KRT82: variants seen among roughly 807,000 people sequenced by gnomAD.
The protein encoded by KRT82 is keratin 82, also known as keratin, type II cuticular Hb2.
In KRT82, 44 loss-of-function variants were observed where a neutral mutation model predicts 48.0. That is an observed-to-expected ratio of 0.92 (90% CI 0.72 to 1.18). The LOEUF is 1.18. KRT82 is among the 50% of genes most tolerant of loss of function. The probability of loss-of-function intolerance (pLI) is 0.00; values close to 1 mark genes in which losing one functional copy is unlikely to be tolerated. For synonymous variants in KRT82, 297 were observed against 278.3 expected (o/e 1.07, Z -0.67); for missense variants, 701 against 671.4 (o/e 1.04, Z -0.49).
chr12:52,404,008 T>C (rs1233044172), intron 1 of KRT82, 99 bp from the exon 2 acceptor site: 22 of 1,148,500 alleles, frequency 1.9e-5, no homozygotes, highest in Admixed American at 1.1e-4. Context: ...TCCCAACACA[T>C]GGCTACCAGT....
intron 5 of KRT82, among the ~76,000 whole-genome samples, chr12:52,398,648 A>T (rs1211871911): frequency 1.3e-5 from 2 of 152,170 alleles, no homozygotes; most frequent in Non-Finnish European, 2.9e-5. Flanking sequence ...AGGAAGGGCC[A>T]GCCAGAGTGA....
At position 52,397,068 on chromosome 12, in the gene KRT82, T is replaced by C. The variant is rs1308432046; in HGVS notation, c.943-60A>G. The C allele has an allele frequency of 6.3e-6, 10 of 1,586,966 alleles. No individual in the cohort carries two copies. In the Admixed American group the frequency reaches 1.7e-4, roughly 28 times the overall value. On this transcript the variant is annotated intron_variant, in intron 5 of 8. Transcript: ENST00000257974. ...ACAAGATGGCATCTCCTAGCCTCTT[T>C]TCTCACTGTTCCCAGTCTTTTCTCC... is the stretch of plus-strand genomic sequence containing the variant.
intron 2 of KRT82, 36 bp from the exon 3 acceptor site, chr12:52,401,385 G>A (rs770455033): frequency 6.2e-7 from 1 of 1,605,974 alleles, no homozygotes; most frequent in Non-Finnish European, 8.5e-7. Flanking sequence ...CTTTAGTCGG[G>A]CTTGTGGATT....
Position 52,396,221 on chromosome 12 carries a change from A to C in KRT82, c.1080T>G (p.Leu360=). ...GCTCTGCCTCAGCTATGGCACCCTC[A>C]AGTTTGCAGCGCTGTGGGAGGGGCG... ...TENVKAQRCK[L]EGAIAEAEQQ... is the part of the protein sequence containing the mutation. The change falls in exon 7 of 9, where the codon CTT becomes CTG. Residue 360 remains leucine, a synonymous_variant. Transcript: ENST00000257974. 1 of 1,612,788 alleles carries C rather than the reference A, an allele frequency of 6.2e-7. No individual in the cohort carries two copies. The highest frequency in any genetic ancestry group is 8.5e-7 in the Non-Finnish European group (1 of 1,179,896).
rs561644148 is a variant in KRT82 at position 52,403,700 on chromosome 12, C to G, written c.620+1G>C. Reference sequence around the variant, plus strand: ...GTGGGGTAAAAGCAGCACTGACTCACTTTTTCTTGTAGCCCTCCAGTGCAG... The same window carrying G: ...GTGGGGTAAAAGCAGCACTGACTCAGTTTTTCTTGTAGCCCTCCAGTGCAG... On this transcript the variant is annotated splice_donor_variant, in intron 2 of 8. Transcript: ENST00000257974. LOFTEE classifies it high-confidence loss of function. 1 of 1,594,406 alleles carries G rather than the reference C, an allele frequency of 6.3e-7. No individual in the cohort carries two copies. The highest frequency in any genetic ancestry group is 8.6e-7 in the Non-Finnish European group (1 of 1,163,596).
intron 7 of KRT82, 76 bp downstream of exon 7, chr12:52,395,936 T>C (rs1358736592): frequency 6.3e-7 from 1 of 1,587,404 alleles, no homozygotes; most frequent in Admixed American, 1.7e-5. Flanking sequence ...TGAGAGATAC[T>C]AGCAGCCGCC....
rs768286129 is a variant in KRT82, at chr12:52,405,932, CCCT to C, written c.343_345del (p.Arg115del). On this transcript the variant is annotated inframe_deletion, in exon 1 of 9. Transcript: ENST00000257974. Reference sequence around the variant, plus strand: ...ATCTGCTCCTTCTCATCCCTCTTTACCCTCTGCACAGTCGGGTCTATCTCCAGT... The same window carrying C: ...ATCTGCTCCTTCTCATCCCTCTTTACCTGCACAGTCGGGTCTATCTCCAGT... The C allele has an allele frequency of 2.5e-6, 4 of 1,614,122 alleles. No homozygotes were observed. In the African/African-American group the frequency reaches 5.3e-5, roughly 22 times the overall value.
At chr12:52,397,112 G>A in intron 5 of KRT82, 104 bp from the exon 6 acceptor site, 3 of 1,435,176 alleles carry the variant, frequency 2.1e-6, no homozygotes, top group Non-Finnish European at 2.8e-6. Context: ...CCTAGTTCAG[G>A]TGTTCTCTGG....
chr12:52,395,013 G>C lies in KRT82; in HGVS notation c.1504C>G (p.Leu502Val), dbSNP rs764694884. 1 of 1,613,746 alleles carries C rather than the reference G, an allele frequency of 6.2e-7. No homozygotes were observed. Among genetic ancestry groups the C allele is most frequent in the Admixed American group, 1.7e-5 (1 of 60,016 alleles). Residue 502 changes from leucine to valine, a missense_variant, in exon 9 of 9, where the codon CTA becomes GTA. Leu to Val is a conservative substitution (Grantham distance 32). Transcript: ENST00000257974. The stretch of plus-strand genomic sequence containing the variant: ...CTGGGGGAGCTGCCCCCAGCTCCTA[G>C]CGTCATGCTGGATTTCCGCCCGCTC... Reference protein sequence around the residue: ...CGSGRKSSMTLGAGGSSPSHK... With the variant: ...CGSGRKSSMTVGAGGSSPSHK...
Position 52,394,797 on chromosome 12 carries a change from T to A in KRT82, c.*178A>T. ...ACACAGGTGAGTGGAAGGTGACTCA[T>A]GAGGCAAAGGAGGGGTCCTAGGGGC... On this transcript the variant is annotated 3_prime_UTR_variant, in exon 9 of 9. Transcript: ENST00000257974. The A allele has an allele frequency of 1.6e-6, 1 of 618,410 alleles. No homozygotes were observed. Among genetic ancestry groups the A allele is most frequent in the Non-Finnish European group, 2.9e-6 (1 of 347,076 alleles). 38.3% of individuals were successfully genotyped at this position (618,410 alleles called of 1,614,324 possible).
Position 52,396,342 on chromosome 12 carries a change from G to A in KRT82, c.1069-110C>T, listed in dbSNP as rs1732267. 4.4e-3 allele frequency: 4,540 copies of A among 1,024,970 alleles called. 122 individuals carry two copies. The African/African-American group carries it at 0.064, about 14-fold the overall frequency. 63.5% of individuals were successfully genotyped at this position (1,024,970 alleles called of 1,614,324 possible). ...GGCTACGTGCCAGGCTCACATTTGC[G>A]AGCTTCATCCTAGGATTGCGACATC... On this transcript the variant is annotated intron_variant, in intron 6 of 8. Transcript: ENST00000257974.
At position 52,406,158 on chromosome 12, in the gene KRT82, G is replaced by C. The variant is rs375992302; in HGVS notation, c.120C>G (p.Pro40=). 1.9e-4 allele frequency: 303 copies of C among 1,613,056 alleles called. No individual in the cohort carries two copies. The highest frequency in any genetic ancestry group is 1.2e-4 in the Non-Finnish European group (142 of 1,179,828). The change falls in exon 1 of 9, where the codon CCC becomes CCG. Residue 40 remains proline (P), a synonymous_variant. Transcript: ENST00000257974. ...HYAVSKGPCR[P]GGGRGLRALG... ...GAGCTCGGAGGCCCCTACCACCCCC[G>C]GGCCGGCATGGCCCCTTGCTCACTG...
rs752427153 is a variant in KRT82, at chr12:52,396,248, A to C, written c.1069-16T>G. 1.2e-6 allele frequency: 2 copies of C among 1,603,948 alleles called. No homozygotes were observed. Among genetic ancestry groups the C allele is most frequent in the East Asian group, 4.5e-5 (2 of 44,752 alleles). ...GTTTGCAGCGCTGTGGGAGGGGCGC[A>C]GAAAAGCATCACTGGGGGCCCTGGA... On this transcript the variant is annotated splice_polypyrimidine_tract_variant and intron_variant, in intron 6 of 8. Coordinates refer to ENST00000257974, the MANE Select transcript of KRT82 (RefSeq NM_033033.4).
At chr12:52,395,738 G>C (rs747565909) in intron 8 of KRT82, 21 bp downstream of exon 8, 2 of 1,555,730 alleles carry the variant, frequency 1.3e-6, no homozygotes, top group Non-Finnish European at 1.7e-6. Flanking sequence ...AGAGCCAGTG[G>C]GGCATGGCTC....
chr12:52,396,808 C>A (rs1386591972), intron 6 of KRT82, 75 bp downstream of exon 6: 29 of 1,566,940 alleles, frequency 1.9e-5, no homozygotes, highest in Non-Finnish European at 2.4e-5. Context: ...AAGGATTGAA[C>A]CCGCCCTGCA....
At position 52,403,757 on chromosome 12, in the gene KRT82, C is replaced by T. The variant is rs776049996; in HGVS notation, c.564G>A (p.Val188=). The T allele has an allele frequency of 5.6e-6, 9 of 1,613,362 alleles. No homozygotes were observed. The South Asian group carries it at 7.7e-5, about 14-fold the overall frequency. The change falls in exon 2 of 9, where the codon GTG becomes GTA. Residue 188 remains valine (V), a synonymous_variant. Transcript: ENST00000257974. ...GGCTGCAGAGCTCTGACTCTAGCCT[C>T]ACGCGGTCCCCGGACACACAGTCCA... ...RQLDCVSGDR[V]RLESELCSLQ... is the part of the protein sequence containing the mutation.
intron 4 of KRT82, among the ~76,000 whole-genome samples, 186 bp downstream of exon 4, chr12:52,400,341 A>C (rs1233728970): frequency 1.3e-5 from 2 of 152,180 alleles, no homozygotes; most frequent in African/African-American, 4.8e-5. Context: ...ACTTTCCCAG[A>C]GGGGCCTGTG....
Position 52,400,080 on chromosome 12 carries a change from G to A in KRT82, c.847C>T (p.Leu283=). ...VIVKMDNSRE[L]DVDGIIAEIK... ...TCAGCGATGATGCCGTCCACGTCCAGCTCCCGGCTGTTGTCCATCTTCACA... is the reference window on the plus strand; with the variant it reads ...TCAGCGATGATGCCGTCCACGTCCAACTCCCGGCTGTTGTCCATCTTCACA... Residue 283 remains leucine, a synonymous_variant, in exon 5 of 9, where the codon CTG becomes TTG. Transcript: ENST00000257974. The A allele has an allele frequency of 1.2e-6, 2 of 1,614,178 alleles. No individual in the cohort carries two copies. The highest frequency in any genetic ancestry group is 1.7e-6 in the Non-Finnish European group (2 of 1,179,996).
chr12:52,394,985 T>C lies in KRT82; in HGVS notation c.1532A>G (p.His511Arg), dbSNP rs746131425. ...ATGTCTCGGATCATGCTAATGCTTG[T>C]GGCTGGGGGAGCTGCCCCCAGCTCC... ...TLGAGGSSPS[H>R]KH is the part of the protein sequence containing the mutation. Residue 511 changes from histidine (H) to arginine (R), a missense_variant, in exon 9 of 9, where the codon CAC (histidine) becomes CGC (arginine). Physicochemically the swap from His to Arg is conservative, Grantham distance 29. Transcript: ENST00000257974. The C allele has an allele frequency of 6.2e-7, 1 of 1,613,166 alleles. No homozygotes were observed. The highest frequency in any genetic ancestry group is 1.1e-5 in the South Asian group (1 of 91,068).
Sources: gnomAD v4.1 joint callset for allele counts (sites outside exome capture counted in the v4.1 genomes callset) on GRCh38, gnomAD v4.1.1 for gene constraint, MANE v1.5 for transcripts, NCBI Gene and HGNC (gene_info 2026-07-23, HGNC 2026-07-21) for gene names.